SATB1: variants seen among roughly 807,000 people sequenced by gnomAD.
The protein encoded by SATB1 is SATB homeobox 1, also known as DNA-binding protein SATB1.
SATB1 carries 11 observed loss-of-function variants against 86.9 expected under a neutral mutation model. That is an observed-to-expected ratio of 0.13 (90% confidence interval 0.08 to 0.21). SATB1 has a LOEUF of 0.21. SATB1 is among the 10% of genes least tolerant of loss of function. The pLI is 1.00. For missense variants in SATB1, 551 were observed against 937.6 expected (o/e 0.59, Z 5.39); for synonymous variants, 357 against 357.2 (o/e 1.00, Z 0.01).
At chr3:18,412,025 G>A (rs1231293594) in intron 5 of SATB1, among the ~76,000 whole-genome samples, 1 of 151,852 alleles carries the variant, frequency 6.6e-6, no homozygotes, top group East Asian at 1.9e-4. Flanking sequence ...AAACTAGAGT[G>A]CAGTGGTGCT....
rs186700075 is a variant in SATB1, at chr3:18,348,410, G to T, written c.*760C>A. 1.1e-4 allele frequency: 17 copies of T among 152,564 alleles called. No homozygotes were observed. Among genetic ancestry groups the T allele is most frequent in the Non-Finnish European group, 2.9e-5 (2 of 67,984 alleles). 9.5% of individuals were successfully genotyped at this position (152,564 alleles called of 1,614,324 possible). A position where few individuals can be genotyped will look rare whatever the true frequency, so the allele number is the denominator to read the frequency against. On this transcript the variant is annotated 3_prime_UTR_variant, in exon 11 of 11. Transcript: ENST00000338745. ...TCAAAATACATTTATAAATAGAAAAGAATCAGTATGGTAACAAGAGAAGCA... is the reference window on the plus strand; with the variant it reads ...TCAAAATACATTTATAAATAGAAAATAATCAGTATGGTAACAAGAGAAGCA...
rs745397215 is a variant in SATB1 at position 18,417,065 on chromosome 3, T to C, written c.225A>G (p.Pro75=). ...CATAATGTTCCACCACACAGAAAAC[T>C]GGCAGCATGGTTCCTATCAAAAAGA... ...KTNLRKGTML[P]VFCVVEHYEN... Residue 75 remains proline, a synonymous_variant, in exon 3 of 11, where the codon CCA becomes CCG. Coordinates refer to ENST00000338745, the MANE Select transcript of SATB1 (RefSeq NM_002971.6). 6.2e-7 allele frequency: 1 copy of C among 1,612,810 alleles called. No individual in the cohort carries two copies. The highest frequency in any genetic ancestry group is 1.1e-5 in the South Asian group (1 of 90,924).
chr3:18,376,284 G>A (rs897733161), intron 9 of SATB1, among the ~76,000 whole-genome samples: 2 of 151,912 alleles, frequency 1.3e-5, no homozygotes, highest in African/African-American at 4.8e-5. Context: ...GGGGGTGGGG[G>A]TAGATTGAAT....
chr3:18,436,489 A>G lies in SATB1; in HGVS notation c.-25+300T>C, dbSNP rs550353593. 4.6e-4 allele frequency among the ~76,000 whole-genome samples: 64 copies of G among 140,058 alleles called. 1 individual carries two copies. The highest frequency in any genetic ancestry group is 7.2e-4 in the Non-Finnish European group (47 of 65,026). 91.9% of individuals were successfully genotyped at this position (140,058 alleles called of 152,430 possible). ...GAAGGTCAGACAATGAGGATAGAAC[A>G]GAGACCCAGGTGCTACCAAAAAAAA... On this transcript the variant is annotated intron_variant, in intron 2 of 3. Transcript: ENST00000414509.
chr3:18,348,967 G>T lies in SATB1; in HGVS notation c.*203C>A. The T allele has an allele frequency of 1.2e-6, 1 of 803,740 alleles. No homozygotes were observed. Among genetic ancestry groups the T allele is most frequent in the Non-Finnish European group, 1.9e-6 (1 of 532,714 alleles). 49.8% of individuals were successfully genotyped at this position (803,740 alleles called of 1,614,324 possible). A position where few individuals can be genotyped will look rare whatever the true frequency, so the allele number is the denominator to read the frequency against. ...AAACAATCCTTGATGCTTCACCTGG[G>T]GCTGCCAAGCAGTTTGTAAAACAGA... On this transcript the variant is annotated 3_prime_UTR_variant, in exon 11 of 11. Coordinates refer to ENST00000338745, the MANE Select transcript of SATB1 (RefSeq NM_002971.6).
At chr3:18,365,097 T>TG (rs1695117804) in intron 9 of SATB1, among the ~76,000 whole-genome samples, 2 of 152,192 alleles carry the variant, frequency 1.3e-5, no homozygotes, top group African/African-American at 4.8e-5. Context: ...CTGAATGAGA[T>TG]TTCATTAATT....
chr3:18,419,913 G>T (rs1698303380), intron 2 of SATB1, among the ~76,000 whole-genome samples: 1 of 152,162 alleles, frequency 6.6e-6, no homozygotes, highest in Non-Finnish European at 1.5e-5. Context: ...CAAACACAAT[G>T]AAATTCCTCT....
chr3:18,432,877 TATC>T (rs1405699558), intron 2 of SATB1, among the ~76,000 whole-genome samples: 1 of 149,810 alleles, frequency 6.7e-6, no homozygotes, highest in Non-Finnish European at 1.5e-5. Context: ...ACCAGGAAAA[TATC>T]ATGCCAAGCC....
At chr3:18,393,940 G>T (rs191757381) in intron 7 of SATB1, among the ~76,000 whole-genome samples, 43 of 152,086 alleles carry the variant, frequency 2.8e-4, no homozygotes, top group East Asian at 1.4e-3. Flanking sequence ...TTTTCAAAAT[G>T]GCTGCTTAGA....
chr3:18,364,464 A>G (rs1559401165), intron 9 of SATB1, among the ~76,000 whole-genome samples: 1 of 151,202 alleles, frequency 6.6e-6, no homozygotes, highest in African/African-American at 2.4e-5. Context: ...ATATTTTGTG[A>G]TTTTTTTTTA....
intron 5 of SATB1, among the ~76,000 whole-genome samples, chr3:18,397,590 TG>T (rs1697028522): frequency 6.6e-6 from 1 of 152,204 alleles, no homozygotes; most frequent in Non-Finnish European, 1.5e-5. Context: ...TCAAACTCAC[TG>T]GTCCCAATAA....
At chr3:18,390,181 G>T (rs986766033) in intron 7 of SATB1, among the ~76,000 whole-genome samples, 1 of 152,072 alleles carries the variant, frequency 6.6e-6, no homozygotes, top group African/African-American at 2.4e-5. Flanking sequence ...CTGCCAATCT[G>T]AACAAAAAGG....
chr3:18,421,886 T>C (rs1470124914), intron 1 of SATB1, among the ~76,000 whole-genome samples: 2 of 150,092 alleles, frequency 1.3e-5, no homozygotes, highest in East Asian at 3.9e-4. Flanking sequence ...ATGATACTGG[T>C]AAAACAAAAT....
At chr3:18,434,441 A>G (rs1698994338) in intron 2 of SATB1, among the ~76,000 whole-genome samples, 1 of 151,972 alleles carries the variant, frequency 6.6e-6, no homozygotes, top group African/African-American at 2.4e-5. Context: ...TACACAGATA[A>G]TATTTGCATG....
intron 2 of SATB1, among the ~76,000 whole-genome samples, chr3:18,433,519 C>T (rs950886499): frequency 6.6e-6 from 1 of 152,026 alleles, no homozygotes; most frequent in East Asian, 1.9e-4. Flanking sequence ...ATTCAGTTTT[C>T]ATATCATCTA....
chr3:18,396,765 TAAG>T (rs1289618331), intron 6 of SATB1, among the ~76,000 whole-genome samples: 2 of 152,166 alleles, frequency 1.3e-5, no homozygotes, highest in African/African-American at 4.8e-5. Flanking sequence ...TAGTTTAATT[TAAG>T]AAGTTTAATT....
intron 5 of SATB1, among the ~76,000 whole-genome samples, chr3:18,412,206 T>C (rs1185034786): frequency 6.6e-6 from 1 of 152,102 alleles, no homozygotes; most frequent in Non-Finnish European, 1.5e-5. Context: ...CCAGGGACAC[T>C]GGCTCCTTCA....
At chr3:18,445,065 C>A in intron 1 of SATB1, 1 of 326,708 alleles carries the variant, frequency 3.1e-6, no homozygotes, top group Non-Finnish European at 4.4e-6. Flanking sequence ...ACCCGGGACG[C>A]GCATCCAGAC....
chr3:18,395,655 A>C (rs1413697046), intron 6 of SATB1, among the ~76,000 whole-genome samples: 3 of 152,190 alleles, frequency 2.0e-5, no homozygotes, highest in East Asian at 1.9e-4. Flanking sequence ...CTAAGATCCA[A>C]ATGTTTTTTC....
Sources: allele counts gnomAD v4.1 joint callset (sites outside exome capture counted in the v4.1 genomes callset), GRCh38; gene constraint gnomAD v4.1.1; transcripts MANE v1.5; gene names NCBI Gene and HGNC (gene_info 2026-07-23, HGNC 2026-07-21).